The following STK3 variants were observed in gnomAD, a reference collection of about 807,000 sequenced individuals.
STK3 encodes the protein serine/threonine kinase 3.
A neutral mutation model predicts 58.0 loss-of-function variants in STK3; 41 were observed. The ratio of observed to expected loss-of-function variants is 0.71; its 90% CI spans 0.55 to 0.92. STK3 has a LOEUF of 0.92. Among genes scored for constraint, STK3 ranks in the 40% least tolerant of loss-of-function variants. The pLI is 0.00. For missense variants in STK3, 479 were observed against 602.7 expected, an observed-to-expected ratio of 0.79 and a Z score of 2.15; for synonymous variants, 170 against 191.0, an observed-to-expected ratio of 0.89 and a Z score of 0.91.
chr8:98,407,714 ATGTGTG>A (rs6150725), intron 3 of STK3, among the ~76,000 whole-genome samples: 31,394 of 136,558 alleles, frequency 0.23, 3,835 homozygotes, highest in South Asian at 0.29. Flanking sequence ...AGATGAGTGC[ATGTGTG>A]TGTGTGTGTG....
chr8:98,633,107 G>T (rs935802271), intron 6 of STK3, among the ~76,000 whole-genome samples: 1 of 152,096 alleles, frequency 6.6e-6, no homozygotes, highest in African/African-American at 2.4e-5. Context: ...AACTTGTATG[G>T]TCTTGGGGCA....
At chr8:98,757,598 G>GAAA (rs1040308347) in intron 3 of STK3, among the ~76,000 whole-genome samples, 725 of 58,534 alleles carry the variant, frequency 0.012, 6 homozygotes, top group African/African-American at 0.042. Context: ...CCATCTCAAA[G>GAAA]AAAAAAAAAA....
chr8:98,550,310 C>T (rs952327856), intron 8 of STK3, among the ~76,000 whole-genome samples: 2 of 152,136 alleles, frequency 1.3e-5, no homozygotes, highest in Admixed American at 1.3e-4. Flanking sequence ...AAGACCTCTT[C>T]ATTCTCATGC....
chr8:98,589,587 A>C (rs999501756), intron 7 of STK3, among the ~76,000 whole-genome samples: 2 of 152,248 alleles, frequency 1.3e-5, no homozygotes, highest in African/African-American at 4.8e-5. Flanking sequence ...TGGAGCCTAC[A>C]GATGCAGGCA....
intron 4 of STK3, chr8:98,723,008 T>C (rs1470308952): frequency 2.7e-6 from 1 of 372,258 alleles, no homozygotes; most frequent in South Asian, 2.2e-5. Flanking sequence ...ACACCATTGA[T>C]TGGAATACAA....
intron 1 of STK3, among the ~76,000 whole-genome samples, chr8:98,927,210 T>C (rs546875364): frequency 1.3e-5 from 2 of 152,342 alleles, no homozygotes; most frequent in South Asian, 4.1e-4. Flanking sequence ...TTATTTCAAA[T>C]CATACTGGAG....
chr8:98,821,454 A>T (rs573018766), intron 1 of STK3, among the ~76,000 whole-genome samples: 1 of 151,772 alleles, frequency 6.6e-6, no homozygotes, highest in Non-Finnish European at 1.5e-5. Context: ...TTTAATAACG[A>T]CTTTGGCCAG....
chr8:98,583,331 G>C (rs181892314), intron 7 of STK3, among the ~76,000 whole-genome samples: 253 of 152,118 alleles, frequency 1.7e-3, no homozygotes, highest in African/African-American at 5.8e-3. Flanking sequence ...TCAAATTCTC[G>C]GCCTCCCCTA....
intron 10 of STK3, among the ~76,000 whole-genome samples, chr8:98,523,244 T>C (rs1362923483): frequency 2.6e-5 from 4 of 152,210 alleles, no homozygotes; most frequent in Non-Finnish European, 5.9e-5. Flanking sequence ...GTCATTTGAA[T>C]GGGTGTGTAG....
At chr8:98,697,664 G>A (rs556676590) in intron 6 of STK3, among the ~76,000 whole-genome samples, 253 of 152,258 alleles carry the variant, frequency 1.7e-3, no homozygotes, top group African/African-American at 5.8e-3. Context: ...GTAGTTGAGT[G>A]GTTTTGAGTG....
chr8:98,936,215 G>T (rs2132051587), intron 1 of STK3, among the ~76,000 whole-genome samples: 1 of 152,210 alleles, frequency 6.6e-6, no homozygotes, highest in East Asian at 1.9e-4. Context: ...ACCATGCCTG[G>T]CCTGCATCCA....
intron 10 of STK3, among the ~76,000 whole-genome samples, chr8:98,482,852 T>C (rs1821959790): frequency 6.6e-6 from 1 of 152,152 alleles, no homozygotes; most frequent in Non-Finnish European, 1.5e-5. Context: ...TATTTCTCGA[T>C]TCCTCAAAGT....
downstream of STK3, among the ~76,000 whole-genome samples, chr8:98,370,043 G>A (rs1817595508): frequency 6.6e-6 from 1 of 151,732 alleles, no homozygotes; most frequent in Admixed American, 6.6e-5. Context: ...CAGAAGGGGT[G>A]GGATGGATGG....
At chr8:98,858,349 GAGAGAGAGAGAC>G (rs1444877838) in intron 3 of STK3, among the ~76,000 whole-genome samples, 1 of 136,810 alleles carries the variant, frequency 7.3e-6, no homozygotes, top group Non-Finnish European at 1.6e-5. Context: ...GAGAGAGAGA[GAGAGAGAGAGAC>G]AGAGAGAGAG....
chr8:98,536,508 T>C (rs1399245433), intron 9 of STK3, among the ~76,000 whole-genome samples: 2 of 152,126 alleles, frequency 1.3e-5, no homozygotes, highest in African/African-American at 2.4e-5. Context: ...GTTTTCTTGA[T>C]ATAGGCACAA....
intron 1 of STK3, among the ~76,000 whole-genome samples, chr8:98,788,370 G>A (rs986695389): frequency 2.0e-5 from 3 of 151,936 alleles, no homozygotes; most frequent in Non-Finnish European, 2.9e-5. Context: ...CCCAGGAGGC[G>A]GAAGTTGCAG....
At chr8:98,592,764 TATTTA>T (rs1403468090) in intron 7 of STK3, among the ~76,000 whole-genome samples, 1 of 150,910 alleles carries the variant, frequency 6.6e-6, no homozygotes, top group African/African-American at 2.4e-5. Flanking sequence ...TTTATTTATT[TATTTA>T]TTTATTTATT....
chr8:98,755,762 C>T (rs148783984), intron 3 of STK3, among the ~76,000 whole-genome samples: 1 of 152,292 alleles, frequency 6.6e-6, no homozygotes, highest in Non-Finnish European at 1.5e-5. Context: ...CTGCCTCCCC[C>T]AGAAGAACAG....
chr8:98,771,033 T>C (rs1178915226), intron 2 of STK3, among the ~76,000 whole-genome samples: 3 of 152,190 alleles, frequency 2.0e-5, no homozygotes, highest in Non-Finnish European at 4.4e-5. Flanking sequence ...ACACACAACA[T>C]AAAATTCACT....
Sources: allele counts gnomAD v4.1 joint callset (sites outside exome capture counted in the v4.1 genomes callset), GRCh38; gene constraint gnomAD v4.1.1; transcripts MANE v1.5; gene names NCBI Gene and HGNC (gene_info 2026-07-23, HGNC 2026-07-21).